Variants in CFAP70 observed in about 807,000 individuals in gnomAD.
CFAP70 encodes the protein cilia and flagella associated protein 70, also known as cilia- and flagella-associated protein 70.
CFAP70 carries 81 observed loss-of-function variants against 137.6 expected under a neutral mutation model. That is an observed-to-expected ratio of 0.59 (90% confidence interval 0.49 to 0.71). CFAP70 has a LOEUF of 0.71. CFAP70 is among the 30% of genes least tolerant of loss of function. CFAP70 has a pLI of 0.00. For synonymous variants in CFAP70, 382 were observed against 423.6 expected, an observed-to-expected ratio of 0.90 and a Z score of 1.20; for missense variants, 976 against 1,226.7, an observed-to-expected ratio of 0.80 and a Z score of 3.05.
At chr10:73,321,652 C>T (rs2050861374) in intron 9 of CFAP70, among the ~76,000 whole-genome samples, 2 of 151,106 alleles carry the variant, frequency 1.3e-5, no homozygotes, top group African/African-American at 2.4e-5. Flanking sequence ...ATTTTTTGCT[C>T]GAATATATGA....
chr10:73,338,861 G>A (rs1057102006), intron 6 of CFAP70, among the ~76,000 whole-genome samples: 22 of 151,612 alleles, frequency 1.5e-4, no homozygotes, highest in African/African-American at 4.9e-4. Context: ...GAGTATGCAC[G>A]AATTTTGGTA....
chr10:73,269,542 C>T, intron 25 of CFAP70, 72 bp downstream of exon 26: 3 of 1,010,620 alleles, frequency 3.0e-6, no homozygotes, highest in Non-Finnish European at 4.7e-6. Context: ...TGGCCATCTG[C>T]TGCCCCTTGC....
intron 12 of CFAP70, 48 bp downstream of exon 13, chr10:73,310,110 T>C (rs1429588144): frequency 1.6e-6 from 2 of 1,287,304 alleles, no homozygotes; most frequent in South Asian, 2.6e-5. Flanking sequence ...CTTCCTCTTA[T>C]TTATACCCAA....
At chr10:73,318,919 C>A (rs371358294) in intron 9 of CFAP70, among the ~76,000 whole-genome samples, 1 of 152,132 alleles carries the variant, frequency 6.6e-6, no homozygotes, top group African/African-American at 2.4e-5. Flanking sequence ...AAAGTTTTTA[C>A]CAATTACGCT....
chr10:73,345,222 A>G lies in CFAP70; in HGVS notation c.350-108T>C, dbSNP rs910709192. 5.0e-6 allele frequency: 8 copies of G among 1,613,966 alleles called. No homozygotes were observed. In the African/African-American group the frequency reaches 9.3e-5, roughly 19 times the overall value. On this transcript the variant is annotated intron_variant, in intron 4 of 26. Transcript: ENST00000310715. ...GGTCAGTAAAGGCTCTGCCACTAAT[A>G]CTTTAACTTCAAGACTGCACTGCTG...
chr10:73,316,721 C>T (rs1227191411), intron 9 of CFAP70, among the ~76,000 whole-genome samples: 3 of 151,624 alleles, frequency 2.0e-5, no homozygotes, highest in African/African-American at 4.8e-5. Context: ...CCATTCTATC[C>T]TCCTTCCTTT....
chr10:73,271,037 G>A (rs190244066), intron 24 of CFAP70, among the ~76,000 whole-genome samples: 8 of 152,226 alleles, frequency 5.3e-5, no homozygotes, highest in East Asian at 1.9e-4. Flanking sequence ...ATAAAATCCC[G>A]TAGTCCCAGG....
chr10:73,323,239 T>A, intron 8 of CFAP70, 142 bp from the exon 10 acceptor site: 1 of 618,994 alleles, frequency 1.6e-6, no homozygotes, highest in Non-Finnish European at 2.4e-6. Context: ...GCCAGTTACA[T>A]AAGACATTTT....
chr10:73,321,138 C>T lies in CFAP70; in HGVS notation c.912+1825G>A, dbSNP rs192251905. On this transcript the variant is annotated intron_variant, in intron 9 of 26. Coordinates refer to ENST00000310715, the Ensembl canonical transcript of CFAP70. ...TATGTCCTTAAAATAAATTCCTGGC[C>T]GGGCGCAGTGGCTCATGCCTGTAAT... 1.8e-4 allele frequency among the ~76,000 whole-genome samples: 28 copies of T among 151,914 alleles called. 1 individual carries two copies. Among genetic ancestry groups the T allele is most frequent in the African/African-American group, 6.5e-4 (27 of 41,440 alleles).
intron 15 of CFAP70, chr10:73,294,853 C>G (rs1402025137): frequency 6.6e-6 from 1 of 152,230 alleles, no homozygotes. Flanking sequence ...GGTATTGCAG[C>G]CTGCACTGTT....
chr10:73,321,700 T>A (rs928576268), intron 9 of CFAP70, among the ~76,000 whole-genome samples: 1 of 152,148 alleles, frequency 6.6e-6, no homozygotes, highest in East Asian at 1.9e-4. Context: ...AAAAAAAAAA[T>A]TATAGTTCAT....
chr10:73,261,695 T>C (rs1304154235), intron 25 of CFAP70, among the ~76,000 whole-genome samples: 2 of 152,016 alleles, frequency 1.3e-5, no homozygotes, highest in African/African-American at 4.8e-5. Context: ...ATATATCAGA[T>C]GGGGTTTCAC....
At chr10:73,256,818 G>A (rs574596820) in intron 25 of CFAP70, among the ~76,000 whole-genome samples, 61 of 147,582 alleles carry the variant, frequency 4.1e-4, no homozygotes, top group African/African-American at 1.5e-3. Flanking sequence ...CAGGAGAATC[G>A]CTTGAACCCA....
intron 7 of CFAP70, among the ~76,000 whole-genome samples, chr10:73,333,185 A>G (rs2052303385): frequency 6.6e-6 from 1 of 152,170 alleles, no homozygotes; most frequent in Admixed American, 6.6e-5. Flanking sequence ...AAAATCAGTG[A>G]ATGTGAGTAT....
At chr10:73,338,103 A>G (rs2052863522) in intron 6 of CFAP70, among the ~76,000 whole-genome samples, 1 of 151,626 alleles carries the variant, frequency 6.6e-6, no homozygotes, top group African/African-American at 2.4e-5. Flanking sequence ...CCCTTGAACA[A>G]CACAATTTGA....
chr10:73,258,807 G>A (rs1246249681), intron 25 of CFAP70, among the ~76,000 whole-genome samples: 5 of 152,104 alleles, frequency 3.3e-5, no homozygotes, highest in South Asian at 2.1e-4. Context: ...AAAAAGCCCC[G>A]GTTTCCTGTA....
chr10:73,362,138 C>G (rs1394465548), upstream of CFAP70, among the ~76,000 whole-genome samples: 1 of 152,142 alleles, frequency 6.6e-6, no homozygotes, highest in Non-Finnish European at 1.5e-5. Context: ...AGATGATCTA[C>G]TGGGATGTGG....
At chr10:73,353,363 A>G (rs769622597) in intron 3 of CFAP70, among the ~76,000 whole-genome samples, 193 bp downstream of exon 3, 1 of 152,168 alleles carries the variant, frequency 6.6e-6, no homozygotes, top group Non-Finnish European at 1.5e-5. Flanking sequence ...ACTAACACAT[A>G]CACACCAATG....
chr10:73,308,342 A>C (rs1443873604), intron 12 of CFAP70, among the ~76,000 whole-genome samples: 1 of 152,078 alleles, frequency 6.6e-6, no homozygotes, highest in Non-Finnish European at 1.5e-5. Context: ...AAAGATTGAA[A>C]TCATGGCTGA....
Sources: allele counts gnomAD v4.1 joint callset (sites outside exome capture counted in the v4.1 genomes callset), GRCh38; gene constraint gnomAD v4.1.1; transcripts MANE v1.5; gene names NCBI Gene and HGNC (gene_info 2026-07-23, HGNC 2026-07-21).